Variants in RABGAP1 observed in about 807,000 individuals in gnomAD.
RABGAP1 encodes RAB GTPase activating protein 1, also known as rab GTPase-activating protein 1.
A neutral mutation model predicts 137.6 loss-of-function variants in RABGAP1; 23 were observed. That is an observed-to-expected ratio of 0.17 (90% CI 0.12 to 0.24). The LOEUF (loss-of-function observed/expected upper bound fraction) is 0.24, where lower values mean the gene tolerates loss of function less well. Among genes scored for constraint, RABGAP1 ranks in the 10% least tolerant of loss-of-function variants. The pLI, the probability that RABGAP1 is intolerant of heterozygous loss-of-function variation, is 1.00. For synonymous variants in RABGAP1, 451 were observed against 450.7 expected, an observed-to-expected ratio of 1.00 and a Z score of -0.01; for missense variants, 906 against 1,275.8, an observed-to-expected ratio of 0.71 and a Z score of 4.42.
chr9:123,103,287 T>A lies in RABGAP1; in HGVS notation c.*74T>A. On this transcript the variant is annotated 3_prime_UTR_variant, in exon 26 of 26. Coordinates refer to ENST00000373647, the MANE Select transcript of RABGAP1 (RefSeq NM_012197.4). The stretch of plus-strand genomic sequence containing the variant: ...TGCCTTCTTTGGCCAGATGTGTGAT[T>A]CTGTGACTTGTCCCAGGACCAGAAT... 1.4e-5 allele frequency: 22 copies of A among 1,586,274 alleles called. No homozygotes were observed. Among genetic ancestry groups the A allele is most frequent in the Non-Finnish European group, 1.9e-5 (22 of 1,166,474 alleles).
intron 13 of RABGAP1, among the ~76,000 whole-genome samples, chr9:123,058,651 G>A (rs2033844793): frequency 6.6e-6 from 1 of 152,026 alleles, no homozygotes; most frequent in Non-Finnish European, 1.5e-5. Flanking sequence ...CTCAGTATTT[G>A]TTTAGTGAAT....
chr9:123,065,484 A>G, intron 14 of RABGAP1, 23 bp downstream of exon 14: 1 of 1,442,132 alleles, frequency 6.9e-7, no homozygotes, highest in Non-Finnish European at 9.8e-7. Flanking sequence ...AAAAAAAAAA[A>G]GGACTCAATT....
At position 122,989,383 on chromosome 9, in the gene RABGAP1, C is replaced by A; in HGVS notation, c.677C>A (p.Pro226His). 1 of 1,614,032 alleles carries A rather than the reference C, an allele frequency of 6.2e-7. No individual in the cohort carries two copies. The highest frequency in any genetic ancestry group is 8.5e-7 in the Non-Finnish European group (1 of 1,179,962). ...LFCVRGHDGTPESDCFAFTES... is the reference protein window; with the variant it reads ...LFCVRGHDGTHESDCFAFTES... ...TGTGTCAGAGGGCATGATGGAACTCCTGAGAGTGACTGTTTTGCTTTCACT... is the reference window on the plus strand; with the variant it reads ...TGTGTCAGAGGGCATGATGGAACTCATGAGAGTGACTGTTTTGCTTTCACT... The change falls in exon 5 of 26, where the codon CCT becomes CAT. Residue 226 changes from proline (P) to histidine (H), a missense_variant. By Grantham distance (77) the Pro-to-His change is moderately conservative (BLOSUM62 -2). Transcript: ENST00000373647.
intron 13 of RABGAP1, among the ~76,000 whole-genome samples, chr9:123,042,775 C>A (rs1202486532): frequency 6.6e-6 from 1 of 152,068 alleles, no homozygotes; most frequent in African/African-American, 2.4e-5. Flanking sequence ...TAATAAATAT[C>A]ACAAGAAAAT....
At chr9:122,966,755 C>T (rs1835174232) in intron 2 of RABGAP1, among the ~76,000 whole-genome samples, 1 of 152,064 alleles carries the variant, frequency 6.6e-6, no homozygotes, top group African/African-American at 2.4e-5. Context: ...GCACCTGAGA[C>T]TGGGAAGAAA....
At chr9:123,073,790 A>T in intron 16 of RABGAP1, 113 bp downstream of exon 16, 3 of 1,404,406 alleles carry the variant, frequency 2.1e-6, no homozygotes, top group Non-Finnish European at 2.9e-6. Flanking sequence ...TCCGTGGCTA[A>T]GGATGGGTTT....
At chr9:122,975,013 G>GT (rs1293795166) in intron 2 of RABGAP1, among the ~76,000 whole-genome samples, 6 of 152,118 alleles carry the variant, frequency 3.9e-5, no homozygotes, top group African/African-American at 1.4e-4. Context: ...CACAGCTAAG[G>GT]TTATTTAGTG....
Position 123,070,317 on chromosome 9 carries a change from A to C in RABGAP1, c.1909-33A>C. The C allele has an allele frequency of 6.2e-7, 1 of 1,613,234 alleles. No homozygotes were observed. The highest frequency in any genetic ancestry group is 8.5e-7 in the Non-Finnish European group (1 of 1,179,592). ...CCATGGCCCACAAGTGGCTACATTCATTTACATTTCCTCTGTGTGTTTTAT... is the reference window on the plus strand; with the variant it reads ...CCATGGCCCACAAGTGGCTACATTCCTTTACATTTCCTCTGTGTGTTTTAT... On this transcript the variant is annotated intron_variant, in intron 14 of 25. Transcript: ENST00000373647. This position sits in a 1 kb window ranked among gnomAD's most constrained non-coding sequence, Gnocchi z 4.4.
At chr9:123,025,514 G>GAA in intron 13 of RABGAP1, among the ~76,000 whole-genome samples, 1 of 76,628 alleles carries the variant, frequency 1.3e-5, no homozygotes, top group South Asian at 5.0e-4. Flanking sequence ...AATGCAGTAT[G>GAA]TCTTTTTATT....
At chr9:123,049,081 A>G (rs1260163609) in intron 13 of RABGAP1, among the ~76,000 whole-genome samples, 1 of 152,232 alleles carries the variant, frequency 6.6e-6, no homozygotes, top group Non-Finnish European at 1.5e-5. Context: ...TTCATTAAAT[A>G]AAGAGCCATC....
At chr9:123,016,123 C>G (rs1379038883) in intron 12 of RABGAP1, among the ~76,000 whole-genome samples, 1 of 152,148 alleles carries the variant, frequency 6.6e-6, no homozygotes, top group African/African-American at 2.4e-5. Flanking sequence ...CCTACTAACA[C>G]TTACAAATTT....
chr9:122,943,103 A>G lies in RABGAP1; in HGVS notation c.-50+2010A>G, dbSNP rs1385168030. On this transcript the variant is annotated intron_variant, in intron 1 of 25. Coordinates refer to ENST00000373647, the MANE Select transcript of RABGAP1 (RefSeq NM_012197.4). ...TTTTTTTTTTTTTTTTTTTTTTTTG[A>G]GACTGAGTTGTGCTCTTGTTGCCCA... Among the ~76,000 whole-genome samples the G allele has an allele frequency of 1.5e-4, 13 of 86,214 alleles. No individual in the cohort carries two copies. The Admixed American group carries it at 2.0e-3, about 13-fold the overall frequency. 56.6% of individuals were successfully genotyped at this position (86,214 alleles called of 152,430 possible).
intron 13 of RABGAP1, among the ~76,000 whole-genome samples, chr9:123,024,834 T>G (rs547626340): frequency 1.4e-4 from 22 of 152,332 alleles, no homozygotes; most frequent in African/African-American, 5.3e-4. Flanking sequence ...TGAAGTCTTT[T>G]TAAGATAACA....
At chr9:122,952,335 T>C (rs962230610) in intron 1 of RABGAP1, among the ~76,000 whole-genome samples, 3 of 151,810 alleles carry the variant, frequency 2.0e-5, no homozygotes, top group Non-Finnish European at 4.4e-5. Flanking sequence ...ATTGGCTCAC[T>C]GCAAGCTCCG....
Position 122,989,379 on chromosome 9 carries a change from A to G in RABGAP1, c.673A>G (p.Thr225Ala). The change falls in exon 5 of 26, where the codon ACT becomes GCT. Residue 225 changes from threonine to alanine, a missense_variant. This residue lies in a region of RABGAP1 where 331 missense variants were observed against 358.3 expected (regional missense o/e 0.92). Coordinates refer to ENST00000373647, the MANE Select transcript of RABGAP1 (RefSeq NM_012197.4). ...CTTCTGTGTCAGAGGGCATGATGGAACTCCTGAGAGTGACTGTTTTGCTTT... is the reference window on the plus strand; with the variant it reads ...CTTCTGTGTCAGAGGGCATGATGGAGCTCCTGAGAGTGACTGTTTTGCTTT... The part of the protein sequence containing the change: ...ILFCVRGHDG[T>A]PESDCFAFTE... The G allele has an allele frequency of 6.2e-7, 1 of 1,613,872 alleles. No individual in the cohort carries two copies. Among genetic ancestry groups the G allele is most frequent in the Non-Finnish European group, 8.5e-7 (1 of 1,179,910 alleles).
chr9:122,967,728 C>CTT (rs11419924), intron 2 of RABGAP1, among the ~76,000 whole-genome samples: 1 of 151,728 alleles, frequency 6.6e-6, no homozygotes, highest in Admixed American at 6.6e-5. Context: ...TCTCATATGT[C>CTT]TTTTTTTCCT....
chr9:122,974,554 G>A (rs1045401802), intron 2 of RABGAP1, among the ~76,000 whole-genome samples: 4 of 151,768 alleles, frequency 2.6e-5, no homozygotes, highest in Admixed American at 1.3e-4. Context: ...CACTTTGGGA[G>A]GTGGAGGCAG....
At chr9:123,034,971 A>G (rs775951075) in intron 13 of RABGAP1, 3 of 1,613,850 alleles carry the variant, frequency 1.9e-6, no homozygotes, top group Non-Finnish European at 2.5e-6. Flanking sequence ...CTAAACCTTT[A>G]ACCTATAATA....
intron 10 of RABGAP1, among the ~76,000 whole-genome samples, chr9:123,008,219 G>A (rs918326102): frequency 1.3e-5 from 2 of 152,126 alleles, no homozygotes; most frequent in African/African-American, 4.8e-5. Flanking sequence ...ATGACATACA[G>A]AAGAGTTTCT....
Sources: allele counts gnomAD v4.1 joint callset (sites outside exome capture counted in the v4.1 genomes callset), GRCh38; gene constraint gnomAD v4.1.1; regional missense constraint gnomAD v4.1.1; non-coding constraint Gnocchi (gnomAD v3.1); transcripts MANE v1.5; gene names NCBI Gene and HGNC (gene_info 2026-07-23, HGNC 2026-07-21).